NFIA: variants seen among roughly 807,000 people sequenced by gnomAD.
NFIA encodes nuclear factor I A.
NFIA carries 8 observed loss-of-function variants against 62.8 expected under a neutral mutation model. The observed-to-expected ratio is 0.13, with a 90% CI of 0.07 to 0.23. NFIA has a LOEUF of 0.23. NFIA is among the 10% of genes least tolerant of loss of function. NFIA has a pLI of 1.00. For synonymous variants in NFIA, 235 were observed against 238.1 expected, an observed-to-expected ratio of 0.99 and a Z score of 0.12; for missense variants, 410 against 642.1, an observed-to-expected ratio of 0.64 and a Z score of 3.91.
At chr1:61,151,183 G>T (rs950804853) in intron 2 of NFIA, among the ~76,000 whole-genome samples, 3 of 152,044 alleles carry the variant, frequency 2.0e-5, no homozygotes, top group Non-Finnish European at 2.9e-5. Flanking sequence ...AGAGGAAATT[G>T]ACATTTTGCA....
intron 9 of NFIA, among the ~76,000 whole-genome samples, chr1:61,411,155 T>G (rs1057072399): frequency 1.1e-4 from 17 of 152,134 alleles, no homozygotes; most frequent in African/African-American, 3.9e-4. Context: ...GATGCCAGCC[T>G]GGAGCAGAGT....
chr1:61,456,799 A>AAAAAAAC lies in NFIA; in HGVS notation c.*1492_*1498dup, dbSNP rs1264185613. 7.0e-6 allele frequency: 1 copy of AAAAAAAC among 143,676 alleles called. No individual in the cohort carries two copies. Among genetic ancestry groups the AAAAAAAC allele is most frequent in the Non-Finnish European group, 1.5e-5 (1 of 66,968 alleles). The allele number at this position is 143,676 out of a possible 1,614,324, so 8.9% of individuals were successfully genotyped here. ...CCCAAACGTCCTGTATCTTATGAAAAAAAAAACAAAAAACAAAAACAAAAA... is the reference window on the plus strand; with the variant it reads ...CCCAAACGTCCTGTATCTTATGAAAAAAAAAACAAAAAACAAAAAACAAAAACAAAAA... On this transcript the variant is annotated 3_prime_UTR_variant, in exon 11 of 11. Coordinates refer to ENST00000403491, the MANE Select transcript of NFIA (RefSeq NM_001134673.4).
intron 3 of NFIA, among the ~76,000 whole-genome samples, chr1:61,321,365 A>G (rs1021947331): frequency 6.6e-6 from 1 of 152,010 alleles, no homozygotes; most frequent in Non-Finnish European, 1.5e-5. Context: ...ATAATTCTAA[A>G]TGTTTCGGGG....
At chr1:61,281,717 T>C (rs902014675) in intron 3 of NFIA, among the ~76,000 whole-genome samples, 7 of 152,210 alleles carry the variant, frequency 4.6e-5, no homozygotes, top group African/African-American at 1.7e-4. Context: ...CTCCTAGATG[T>C]CTTTAATTTT....
chr1:61,184,972 T>C (rs1217610735), intron 2 of NFIA, among the ~76,000 whole-genome samples: 1 of 152,236 alleles, frequency 6.6e-6, no homozygotes, highest in Non-Finnish European at 1.5e-5. Flanking sequence ...CATCTCTGTG[T>C]CTGAGCAGAA....
chr1:61,246,029 T>G (rs1425229637), intron 2 of NFIA, among the ~76,000 whole-genome samples: 2 of 152,166 alleles, frequency 1.3e-5, no homozygotes, highest in African/African-American at 4.8e-5. Context: ...AGAATCAAAA[T>G]AACTAAATCC....
intron 2 of NFIA, among the ~76,000 whole-genome samples, chr1:61,224,397 A>G (rs1195894419): frequency 1.3e-5 from 2 of 152,150 alleles, no homozygotes; most frequent in Non-Finnish European, 2.9e-5. Context: ...GCACATTAAT[A>G]TATTAGAGGG....
Position 61,172,069 on chromosome 1 carries a change from G to A in NFIA, c.559+83389G>A, listed in dbSNP as rs146698154. Among the ~76,000 whole-genome samples, 5 of 152,292 alleles carry A rather than the reference G, an allele frequency of 3.3e-5. No homozygotes were observed. In the East Asian group the frequency reaches 5.8e-4, roughly 18 times the overall value. ...TTTATGGATCTTTCTAGAAATTACG[G>A]TTGGGTTCTTTCCCCTCTCAACCCA... On this transcript the variant is annotated intron_variant, in intron 2 of 10. Coordinates refer to ENST00000403491, the MANE Select transcript of NFIA (RefSeq NM_001134673.4).
Position 61,332,512 on chromosome 1 carries a change from G to T in NFIA, c.626G>T (p.Gly209Val). Residue 209 changes from glycine to valine, a missense_variant and splice_region_variant, in exon 4 of 11, where the codon GGA becomes GTA. Gly to Val is a moderately radical substitution (Grantham distance 109). Around this residue, in one of 3 missense-constraint regions of NFIA, gnomAD observed 298 missense variants for 438.1 expected, o/e 0.68. Transcript: ENST00000403491. ...TTTTCTTTTGTTTTTGTTTCCCCAG[G>T]ACATTTGGGCTTCCAGGACAGTTTT... ...DADIKDQPEN[G>V]HLGFQDSFVT... is the part of the protein sequence containing the mutation. The T allele has an allele frequency of 6.2e-7, 1 of 1,613,806 alleles. No homozygotes were observed. The highest frequency in any genetic ancestry group is 8.5e-7 in the Non-Finnish European group (1 of 1,179,822).
In NFIA at chr1:61,187,457, G is replaced by A. The variant is rs148930526; in HGVS notation, c.560-90063G>A. Among the ~76,000 whole-genome samples, 475 of 152,288 alleles carry A rather than the reference G, an allele frequency of 3.1e-3. 5 individuals are homozygous for A. The South Asian group carries it at 0.032, about 10-fold the overall frequency. Reference sequence around the variant, plus strand: ...CGTTTTATATTTCAACTCAGAAATCGATGCATCTGTGAGGCAGTTTGTTTT... The same window carrying A: ...CGTTTTATATTTCAACTCAGAAATCAATGCATCTGTGAGGCAGTTTGTTTT... On this transcript the variant is annotated intron_variant, in intron 2 of 10. Coordinates refer to ENST00000403491, the MANE Select transcript of NFIA (RefSeq NM_001134673.4).
intron 2 of NFIA, among the ~76,000 whole-genome samples, chr1:61,134,980 C>T (rs1460445764): frequency 3.3e-5 from 5 of 152,312 alleles, no homozygotes; most frequent in South Asian, 2.1e-4. Flanking sequence ...GAAAAGATGG[C>T]GTCATTAGGA....
chr1:61,285,296 C>G (rs986575531), intron 3 of NFIA, among the ~76,000 whole-genome samples: 21 of 152,088 alleles, frequency 1.4e-4, no homozygotes, highest in African/African-American at 5.1e-4. Flanking sequence ...GAGGGGCGAG[C>G]TGGGGTCAGG....
intron 3 of NFIA, among the ~76,000 whole-genome samples, chr1:61,280,213 G>A (rs1658049257): frequency 6.6e-6 from 1 of 152,198 alleles, no homozygotes; most frequent in South Asian, 2.1e-4. Context: ...GTATTTACAT[G>A]CATTAGATAA....
chr1:61,329,101 G>A (rs1484931404), intron 3 of NFIA, among the ~76,000 whole-genome samples: 1 of 145,042 alleles, frequency 6.9e-6, no homozygotes, highest in African/African-American at 2.6e-5. Flanking sequence ...AGGCTGGAGT[G>A]CAGTGGCGCG....
At chr1:61,190,629 C>T (rs1330594729) in intron 2 of NFIA, among the ~76,000 whole-genome samples, 1 of 152,066 alleles carries the variant, frequency 6.6e-6, no homozygotes, top group Admixed American at 6.5e-5. Context: ...TTGTGATATA[C>T]CTGATTGTGT....
Position 61,456,795 on chromosome 1 carries a change from GAA to G in NFIA, c.*1484_*1485del, listed in dbSNP as rs554351184. ...CACCCCCAAACGTCCTGTATCTTAT[GAA>G]AAAAAAAACAAAAAACAAAAACAAA... On this transcript the variant is annotated 3_prime_UTR_variant, in exon 11 of 11. Coordinates refer to ENST00000403491, the MANE Select transcript of NFIA (RefSeq NM_001134673.4). 3.0e-5 allele frequency: 3 copies of G among 98,914 alleles called. No homozygotes were observed. Among genetic ancestry groups the G allele is most frequent in the South Asian group, 3.3e-4 (1 of 2,994 alleles). The allele number at this position is 98,914 out of a possible 1,614,324, so 6.1% of individuals were successfully genotyped here.
At chr1:61,327,779 A>G (rs1411288846) in intron 3 of NFIA, among the ~76,000 whole-genome samples, 3 of 152,170 alleles carry the variant, frequency 2.0e-5, no homozygotes, top group Non-Finnish European at 4.4e-5. Flanking sequence ...AGTAGGTACC[A>G]AGTAGTGGGA....
chr1:61,308,355 A>C (rs767976774), intron 3 of NFIA, among the ~76,000 whole-genome samples: 1 of 152,220 alleles, frequency 6.6e-6, no homozygotes, highest in African/African-American at 2.4e-5. Flanking sequence ...AAAATCCATA[A>C]GATATCATCA....
chr1:61,280,521 T>C (rs1658068908), intron 3 of NFIA, among the ~76,000 whole-genome samples: 1 of 152,164 alleles, frequency 6.6e-6, no homozygotes, highest in African/African-American at 2.4e-5. Flanking sequence ...TTGAGAAAGG[T>C]AATGGGAAAC....
Sources: allele counts gnomAD v4.1 joint callset (sites outside exome capture counted in the v4.1 genomes callset), GRCh38; gene constraint gnomAD v4.1.1; regional missense constraint gnomAD v4.1.1; transcripts MANE v1.5; gene names NCBI Gene and HGNC (gene_info 2026-07-23, HGNC 2026-07-21).